Variants in SGMS1 observed in about 807,000 individuals in gnomAD.
SGMS1 encodes sphingomyelin synthase 1.
In SGMS1, 13 loss-of-function variants were observed where a neutral mutation model predicts 46.2. The observed-to-expected ratio is 0.28, with a 90% confidence interval of 0.18 to 0.45. SGMS1 has a LOEUF of 0.45. Among genes scored for constraint, SGMS1 ranks in the 20% least tolerant of loss-of-function variants. The pLI is 1.00. For synonymous variants in SGMS1, 203 were observed against 187.8 expected, an observed-to-expected ratio of 1.08 and a Z score of -0.66; for missense variants, 324 against 519.9, an observed-to-expected ratio of 0.62 and a Z score of 3.66.
chr10:50,335,557 C>A (rs998021934), intron 7 of SGMS1: 1 of 152,244 alleles, frequency 6.6e-6, no homozygotes, highest in Non-Finnish European at 1.5e-5. Flanking sequence ...GAATGATCTT[C>A]CAGTGTAAGA....
At chr10:50,350,716 C>G (rs1029903560) in intron 6 of SGMS1, among the ~76,000 whole-genome samples, 1 of 152,194 alleles carries the variant, frequency 6.6e-6, no homozygotes, top group African/African-American at 2.4e-5. Context: ...TGTGTTGAGC[C>G]TGCGGGTGCA....
intron 6 of SGMS1, among the ~76,000 whole-genome samples, chr10:50,395,461 A>G (rs923514808): frequency 1.3e-5 from 2 of 152,178 alleles, no homozygotes; most frequent in African/African-American, 4.8e-5. Context: ...TAAGCTTGGC[A>G]ACTCTGCTCC....
At chr10:50,434,883 C>CAAA (rs11398784) in intron 5 of SGMS1, among the ~76,000 whole-genome samples, 2 of 110,356 alleles carry the variant, frequency 1.8e-5, no homozygotes, top group Non-Finnish European at 1.8e-5. Context: ...GACTCCGTCT[C>CAAA]AAAAAAAAAA....
chr10:50,448,859 A>G (rs1052300386), intron 5 of SGMS1, among the ~76,000 whole-genome samples: 3 of 152,146 alleles, frequency 2.0e-5, no homozygotes, highest in African/African-American at 7.2e-5. Flanking sequence ...TTAAAACTTA[A>G]CAATAAGAAA....
intron 8 of SGMS1, among the ~76,000 whole-genome samples, chr10:50,325,123 G>A (rs918151200): frequency 1.3e-5 from 2 of 152,170 alleles, no homozygotes; most frequent in Non-Finnish European, 1.5e-5. Context: ...GTATGTGGAG[G>A]TGAAATGACG....
intron 1 of SGMS1, among the ~76,000 whole-genome samples, chr10:50,598,417 C>A (rs1381522204): frequency 1.3e-5 from 2 of 152,162 alleles, no homozygotes; most frequent in African/African-American, 4.8e-5. Flanking sequence ...CCCAAACTAA[C>A]TAGGACAGAA....
chr10:50,367,217 A>C (rs1402737076), intron 6 of SGMS1, among the ~76,000 whole-genome samples: 2 of 152,202 alleles, frequency 1.3e-5, no homozygotes, highest in African/African-American at 4.8e-5. Context: ...TTATAAAAAT[A>C]AATTGGAGTG....
At chr10:50,408,837 C>T (rs1487868932) in intron 6 of SGMS1, among the ~76,000 whole-genome samples, 4 of 152,136 alleles carry the variant, frequency 2.6e-5, no homozygotes, top group African/African-American at 4.8e-5. Context: ...ATTGTACCAT[C>T]GCACTCCAGC....
rs189125794 is a variant in SGMS1, at chr10:50,354,562, A to G, written c.-231-10217T>C. On this transcript the variant is annotated intron_variant, in intron 6 of 10. Transcript: ENST00000361781. ...ACTTCATGTCTAAAACACCAAAAGCAATGGTAACAAAAGCCAAAATTGACA... is the reference window on the plus strand; with the variant it reads ...ACTTCATGTCTAAAACACCAAAAGCGATGGTAACAAAAGCCAAAATTGACA... Among the ~76,000 whole-genome samples, 575 of 152,352 alleles carry G rather than the reference A, an allele frequency of 3.8e-3. 3 individuals are homozygous for G. The highest frequency in any genetic ancestry group is 0.013 in the African/African-American group (553 of 41,586).
intron 6 of SGMS1, among the ~76,000 whole-genome samples, chr10:50,419,979 T>C (rs1849233772): frequency 1.3e-5 from 2 of 152,214 alleles, no homozygotes; most frequent in South Asian, 4.1e-4. Flanking sequence ...AAGAGCTCCC[T>C]TCCTAGTCTC....
chr10:50,533,436 C>A (rs1306719872), intron 2 of SGMS1, among the ~76,000 whole-genome samples: 1 of 152,120 alleles, frequency 6.6e-6, no homozygotes, highest in Non-Finnish European at 1.5e-5. Context: ...CAAAAGCACT[C>A]ATGAATATTG....
intron 1 of SGMS1, among the ~76,000 whole-genome samples, chr10:50,616,603 A>G (rs951043467): frequency 6.6e-6 from 1 of 152,194 alleles, no homozygotes; most frequent in African/African-American, 2.4e-5. Flanking sequence ...TTGAGGAAAG[A>G]GGAACCAGGG....
At chr10:50,352,333 T>A (rs766331527) in intron 6 of SGMS1, among the ~76,000 whole-genome samples, 40 of 151,924 alleles carry the variant, frequency 2.6e-4, no homozygotes, top group Non-Finnish European at 5.9e-5. Flanking sequence ...AAATATCATA[T>A]CTAGACCCAG....
At chr10:50,319,007 G>A (rs1004068128) in intron 8 of SGMS1, among the ~76,000 whole-genome samples, 3 of 151,928 alleles carry the variant, frequency 2.0e-5, no homozygotes, top group Admixed American at 2.0e-4. Flanking sequence ...TTAAATAAAG[G>A]TCAGCTATGG....
At chr10:50,370,243 A>C (rs1010935397) in intron 6 of SGMS1, among the ~76,000 whole-genome samples, 14 of 152,086 alleles carry the variant, frequency 9.2e-5, no homozygotes, top group African/African-American at 3.1e-4. Flanking sequence ...TTCAATAATA[A>C]ATTAACTTTA....
At chr10:50,385,292 A>C (rs1344809986) in intron 6 of SGMS1, among the ~76,000 whole-genome samples, 3 of 152,130 alleles carry the variant, frequency 2.0e-5, no homozygotes, top group African/African-American at 7.2e-5. Context: ...GTCCTAGAAA[A>C]CAGTAGGTCT....
At chr10:50,538,802 G>A (rs1564427121) in intron 2 of SGMS1, among the ~76,000 whole-genome samples, 2 of 152,188 alleles carry the variant, frequency 1.3e-5, no homozygotes, top group South Asian at 2.1e-4. Flanking sequence ...TCATTAAGTG[G>A]TCAAAGGCGA....
intron 8 of SGMS1, among the ~76,000 whole-genome samples, chr10:50,320,490 T>A (rs952308530): frequency 6.6e-6 from 1 of 152,176 alleles, no homozygotes; most frequent in Non-Finnish European, 1.5e-5. Flanking sequence ...TACCCTACTA[T>A]CTCTATCAAT....
chr10:50,424,854 G>A (rs893515039), intron 6 of SGMS1, among the ~76,000 whole-genome samples: 3 of 150,282 alleles, frequency 2.0e-5, no homozygotes, highest in African/African-American at 7.3e-5. Flanking sequence ...GGAGGTTGCA[G>A]TGAGCCAAGA....
Sources: gnomAD v4.1 joint callset for allele counts (sites outside exome capture counted in the v4.1 genomes callset) on GRCh38, gnomAD v4.1.1 for gene constraint, MANE v1.5 for transcripts, NCBI Gene and HGNC (gene_info 2026-07-23, HGNC 2026-07-21) for gene names.